The following DNAH2 variants were observed in gnomAD, a reference collection of about 807,000 sequenced individuals.
DNAH2 encodes the protein axonemal beta dynein heavy chain 2.
Under a neutral mutation model 523.5 loss-of-function variants are expected in DNAH2, and 323 were observed. That is an observed-to-expected ratio of 0.62 (90% CI 0.56 to 0.68). The LOEUF (loss-of-function observed/expected upper bound fraction) is 0.68. Ranked by LOEUF, DNAH2 falls within the 30% of genes least tolerant of loss-of-function variation. DNAH2 has a pLI of 0.00. For synonymous variants in DNAH2, 2,093 were observed against 2,177.4 expected, an observed-to-expected ratio of 0.96 and a Z score of 1.08; for missense variants, 4,907 against 5,701.5, an observed-to-expected ratio of 0.86 and a Z score of 4.49.
At position 7,788,383 on chromosome 17, in the gene DNAH2, C is replaced by T. The variant is rs1303744040; in HGVS notation, c.6900+139C>T. 2.3e-5 allele frequency: 25 copies of T among 1,078,178 alleles called. No homozygotes were observed. The Admixed American group carries it at 4.0e-4, about 17-fold the overall frequency. 66.8% of individuals were successfully genotyped at this position (1,078,178 alleles called of 1,614,324 possible). ...CAGAGACTCCAGGGGGAGGCTTCAA[C>T]GACCATGGAGGCAGTGAGGGGTGTG... On this transcript the variant is annotated intron_variant, in intron 44 of 85. Transcript: ENST00000572933.
chr17:7,801,638 G>A lies in DNAH2; in HGVS notation c.8760G>A (p.Glu2920=), dbSNP rs759852727. Residue 2920 remains glutamate (E), a synonymous_variant, in exon 57 of 86, where the codon GAG becomes GAA. Transcript: ENST00000572933. ...VNCTTINWFS[E]WPQEALLEVA... ...GCACAACCATCAACTGGTTCTCAGAGTGGCCCCAAGAGGCCCTGCTCGAGG... is the reference window on the plus strand; with the variant it reads ...GCACAACCATCAACTGGTTCTCAGAATGGCCCCAAGAGGCCCTGCTCGAGG... The A allele has an allele frequency of 5.6e-6, 9 of 1,614,198 alleles. No homozygotes were observed. Among genetic ancestry groups the A allele is most frequent in the Middle Eastern group, 1.6e-4 (1 of 6,062 alleles).
rs768661439 is a variant in DNAH2 at position 7,818,084 on chromosome 17, G to A, written c.10375G>A (p.Val3459Ile). 6.2e-7 allele frequency: 1 copy of A among 1,611,936 alleles called. No homozygotes were observed. The highest frequency in any genetic ancestry group is 1.1e-5 in the South Asian group (1 of 91,082). Residue 3459 changes from valine (V) to isoleucine (I), a missense_variant, in exon 68 of 86, where the codon GTA becomes ATA. This residue lies in a region of DNAH2 where 1,851 missense variants were observed against 2,139.4 expected (regional missense o/e 0.87). Transcript: ENST00000572933. ...ACTGAACCCCATGCTCAACAAATCTGTAGCCCGAATCGGTCAGGACAAGTC... is the reference window on the plus strand; with the variant it reads ...ACTGAACCCCATGCTCAACAAATCTATAGCCCGAATCGGTCAGGACAAGTC... Reference protein sequence around the residue: ...PTLNPMLNKSVARIGGRLLMR... With the variant: ...PTLNPMLNKSIARIGGRLLMR...
rs1251949683 is a variant in DNAH2, at chr17:7,797,767, A to G, written c.8168A>G (p.Tyr2723Cys). 1.2e-6 allele frequency: 2 copies of G among 1,614,132 alleles called. No individual in the cohort carries two copies. The highest frequency in any genetic ancestry group is 1.7e-6 in the Non-Finnish European group (2 of 1,180,022). The change falls in exon 53 of 86, where the codon TAT becomes TGT. Residue 2723 changes from tyrosine (Y) to cysteine (C), a missense_variant. By Grantham distance (194) the Tyr-to-Cys change is radical. Transcript: ENST00000572933. ...KTVMETALNE[Y>C]NLSPSVVPMQ... is the part of the protein sequence containing the mutation. ...GTCATGGAGACAGCTCTAAATGAGT[A>G]TAACCTGTCACCCTCTGTCGTGCCC... is the stretch of plus-strand genomic sequence containing the variant.
chr17:7,738,672 C>T (rs1174525209), intron 8 of DNAH2, among the ~76,000 whole-genome samples: 3 of 152,090 alleles, frequency 2.0e-5, no homozygotes, highest in South Asian at 4.1e-4. Context: ...TCCCAGGAAC[C>T]CTACCTGGTC....
At chr17:7,789,338 C>T (rs56217607) in intron 44 of DNAH2, among the ~76,000 whole-genome samples, 16,359 of 152,148 alleles carry the variant, frequency 0.11, 908 homozygotes, top group East Asian at 0.15. Flanking sequence ...TGCAGACACA[C>T]AGGAGTCAGG....
At chr17:7,781,359 C>T (rs1310881620) in intron 39 of DNAH2, among the ~76,000 whole-genome samples, 192 bp downstream of exon 39, 1 of 152,122 alleles carries the variant, frequency 6.6e-6, no homozygotes, top group African/African-American at 2.4e-5. Flanking sequence ...CGAGTGTAGT[C>T]CCAGCTACTC....
intron 15 of DNAH2, 129 bp downstream of exon 15, chr17:7,759,253 A>G: frequency 6.9e-7 from 1 of 1,458,426 alleles, no homozygotes. Context: ...ATCGTGCTCT[A>G]GTCTTGGACT....
At chr17:7,731,245 T>C (rs2074979360) in intron 4 of DNAH2, among the ~76,000 whole-genome samples, 2 of 152,068 alleles carry the variant, frequency 1.3e-5, no homozygotes, top group South Asian at 4.1e-4. Context: ...TGACCATGTG[T>C]GATCTTGGAT....
rs143207623 is a variant in DNAH2, at chr17:7,722,224, C to T, written c.167-1404C>T. Among the ~76,000 whole-genome samples the T allele has an allele frequency of 4.2e-3, 645 of 151,900 alleles. 5 individuals carry two copies. The highest frequency in any genetic ancestry group is 0.014 in the African/African-American group (598 of 41,382). On this transcript the variant is annotated intron_variant, in intron 2 of 85. Transcript: ENST00000572933. The stretch of plus-strand genomic sequence containing the variant: ...TTCACCATCTTGGCCAGGCTGGTCT[C>T]GAACGCCTGACTTCGGGCGATCCAC...
At position 7,823,849 on chromosome 17, in the gene DNAH2, C is replaced by G. The variant is rs762431493; in HGVS notation, c.11345C>G (p.Ala3782Gly). Residue 3782 changes from alanine to glycine, a missense_variant, in exon 75 of 86, where the codon GCC becomes GGC. Transcript: ENST00000572933. The part of the protein sequence containing the change: ...KAMLPGEWEN[A>G]CNEMQRMLIV... ...TCATCCCCAGGTGAGTGGGAAAATGCCTGCAATGAAATGCAACGGATGCTG... is the reference window on the plus strand; with the variant it reads ...TCATCCCCAGGTGAGTGGGAAAATGGCTGCAATGAAATGCAACGGATGCTG... 1.9e-6 allele frequency: 3 copies of G among 1,613,962 alleles called. No homozygotes were observed. Among genetic ancestry groups the G allele is most frequent in the African/African-American group, 1.3e-5 (1 of 74,922 alleles).
At position 7,786,051 on chromosome 17, in the gene DNAH2, C is replaced by T. The variant is rs983722968; in HGVS notation, c.6130-73C>T. On this transcript the variant is annotated intron_variant, in intron 39 of 85. Coordinates refer to ENST00000572933, the MANE Select transcript of DNAH2 (RefSeq NM_020877.5). The surrounding 1 kb of genome is among the most constrained non-coding windows in gnomAD (Gnocchi z 7.5). ...CAGTTTGAACGTATTCTCTCTGGCA[C>T]CGGGGAGATTTTGAAAGCCCTTTAA... is the stretch of plus-strand genomic sequence containing the variant. The T allele has an allele frequency of 6.7e-7, 1 of 1,501,358 alleles. No homozygotes were observed. The highest frequency in any genetic ancestry group is 9.2e-7 in the Non-Finnish European group (1 of 1,088,160). The allele number at this position is 1,501,358 out of a possible 1,614,324, so 93.0% of individuals were successfully genotyped here.
rs767279120 is a variant in DNAH2 at position 7,719,733 on chromosome 17, C to G, written c.-2C>G. 6.2e-7 allele frequency: 1 copy of G among 1,614,044 alleles called. No homozygotes were observed. Among genetic ancestry groups the G allele is most frequent in the African/African-American group, 1.3e-5 (1 of 74,918 alleles). ...TGTATACCTGTAGGTTTTGCCTGCA[C>G]GATGTCCAGCAAAGCTGAGAAGAAG... On this transcript the variant is annotated 5_prime_UTR_variant, in exon 2 of 86. Transcript: ENST00000572933.
chr17:7,806,183 G>A (rs542870144), intron 61 of DNAH2, among the ~76,000 whole-genome samples: 1 of 152,192 alleles, frequency 6.6e-6, no homozygotes, highest in Non-Finnish European at 1.5e-5. Context: ...TAGACTTTGT[G>A]TTAGATGATT....
At chr17:7,777,929 A>G in intron 33 of DNAH2, 148 bp from the exon 34 acceptor site, 1 of 778,646 alleles carries the variant, frequency 1.3e-6, no homozygotes, top group Non-Finnish European at 2.1e-6. Context: ...TTGCCCATAA[A>G]CCGCTCCCCT....
At chr17:7,801,483 G>T in intron 56 of DNAH2, 95 bp from the exon 57 acceptor site, 1 of 1,558,902 alleles carries the variant, frequency 6.4e-7, no homozygotes, top group Non-Finnish European at 8.8e-7. Flanking sequence ...GGGCATTTTA[G>T]GTTCTTAGAA....
In DNAH2 at chr17:7,817,334, G is replaced by A; in HGVS notation, c.9939G>A (p.Leu3313=). Residue 3313 remains leucine, a synonymous_variant, in exon 65 of 86, where the codon CTG becomes CTA. Transcript: ENST00000572933. ...GCTACCTGGTGGGGGACTGTCTCCT[G>A]GCAGCTGCCTTCCTGTCCTACATGG... ...DLGYLVGDCL[L]AAAFLSYMGP... is the part of the protein sequence containing the mutation. The A allele has an allele frequency of 6.2e-7, 1 of 1,608,492 alleles. No homozygotes were observed. The highest frequency in any genetic ancestry group is 1.1e-5 in the South Asian group (1 of 90,006).
chr17:7,806,658 C>CAAAAAAAA (rs66460228), intron 61 of DNAH2, among the ~76,000 whole-genome samples: 1 of 60,568 alleles, frequency 1.7e-5, no homozygotes, highest in Non-Finnish European at 3.0e-5. Flanking sequence ...CACTCCATCT[C>CAAAAAAAA]AAAAAAAAAA....
Position 7,777,584 on chromosome 17 carries a change from G to T in DNAH2, c.5197G>T (p.Asp1733Tyr), listed in dbSNP as rs2076490474. ...GAAGCTTTACAAGAGTGGCCTCATG[G>T]ATGTCAATTCCTTTGACTGGCTCAG... The part of the protein sequence containing the change: ...LEKLYKSGLM[D>Y]VNSFDWLSQL... Residue 1733 changes from aspartate to tyrosine, a missense_variant, in exon 33 of 86, where the codon GAT becomes TAT. By Grantham distance (160) the Asp-to-Tyr change is radical. Coordinates refer to ENST00000572933, the MANE Select transcript of DNAH2 (RefSeq NM_020877.5). 1 of 1,614,182 alleles carries T rather than the reference G, an allele frequency of 6.2e-7. No homozygotes were observed. The highest frequency in any genetic ancestry group is 8.5e-7 in the Non-Finnish European group (1 of 1,180,036).
chr17:7,783,830 A>G (rs551925394), intron 39 of DNAH2, among the ~76,000 whole-genome samples: 7 of 151,900 alleles, frequency 4.6e-5, no homozygotes, highest in Admixed American at 4.6e-4. Context: ...ACAGAACCTA[A>G]GCAAACAAAA....
Sources: gnomAD v4.1 joint callset for allele counts (sites outside exome capture counted in the v4.1 genomes callset) on GRCh38, gnomAD v4.1.1 for gene constraint, gnomAD v4.1.1 regional missense constraint, Gnocchi (gnomAD v3.1) non-coding constraint, MANE v1.5 for transcripts, NCBI Gene and HGNC (gene_info 2026-07-23, HGNC 2026-07-21) for gene names.